ZFP62: variants seen among roughly 807,000 people sequenced by gnomAD.
ZFP62 encodes the protein zinc finger protein 62 homolog.
Under a neutral mutation model 56.4 loss-of-function variants are expected in ZFP62, and 44 were observed. The observed-to-expected ratio is 0.78, with a 90% CI of 0.61 to 1.00. The LOEUF (loss-of-function observed/expected upper bound fraction) is 1.00. Ranked by LOEUF, ZFP62 falls within the 50% of genes least tolerant of loss-of-function variation. The pLI, the probability that ZFP62 is intolerant of heterozygous loss-of-function variation, is 0.00. For synonymous variants in ZFP62, 421 were observed against 388.9 expected (o/e 1.08, Z -0.97); for missense variants, 1,030 against 1,085.7 (o/e 0.95, Z 0.72).
At position 180,850,320 on chromosome 5, in the gene ZFP62, G is replaced by A. The variant is rs1773626115; in HGVS notation, c.1175C>T (p.Pro392Leu). Residue 392 changes from proline (P) to leucine (L), a missense_variant, in exon 2 of 2, where the codon CCT becomes CTT. Physicochemically the swap from Pro to Leu is moderately conservative, Grantham distance 98 (BLOSUM62 -3). Transcript: ENST00000502412. ...VHKRIHTGEKPYKCDVCGKAF... is the reference protein window; with the variant it reads ...VHKRIHTGEKLYKCDVCGKAF... ...TTTGCCACAGACATCACACTTGTAA[G>A]GTTTCTCTCCTGTGTGGATCCTTTT... 6.4e-7 allele frequency: 1 copy of A among 1,569,572 alleles called. No homozygotes were observed. The highest frequency in any genetic ancestry group is 8.6e-7 in the Non-Finnish European group (1 of 1,157,378).
chr5:180,861,134 G>A lies in ZFP62; in HGVS notation c.1+85C>T, dbSNP rs1248165981. The stretch of plus-strand genomic sequence containing the variant: ...TCCCACATCCCGCCCGAGACCCGCG[G>A]AGCAGCCAAGACCCGGCCAAAAAGG... On this transcript the variant is annotated intron_variant, in intron 1 of 1. Transcript: ENST00000502412. The A allele has an allele frequency of 1.0e-5, 4 of 398,984 alleles. No individual in the cohort carries two copies. The East Asian group carries it at 1.4e-4, about 14-fold the overall frequency. 24.7% of individuals were successfully genotyped at this position (398,984 alleles called of 1,614,324 possible). A position where few individuals can be genotyped will look rare whatever the true frequency, so the allele number is the denominator to read the frequency against.
intron 1 of ZFP62, among the ~76,000 whole-genome samples, chr5:180,853,274 A>T (rs1012317460): frequency 6.6e-5 from 10 of 152,242 alleles, no homozygotes; most frequent in Non-Finnish European, 1.3e-4. Flanking sequence ...GATATGGAGC[A>T]ATCTGTATAT....
chr5:180,861,109 T>A (rs943389108), intron 1 of ZFP62, 110 bp downstream of exon 1: 1 of 397,750 alleles, frequency 2.5e-6, no homozygotes, highest in African/African-American at 2.1e-5. Context: ...GCACGCTTAC[T>A]CCCACATCCC....
In ZFP62 at chr5:180,849,939, G is replaced by A; in HGVS notation, c.1556C>T (p.Ala519Val). The A allele has an allele frequency of 1.3e-6, 2 of 1,551,370 alleles. No individual in the cohort carries two copies. Among genetic ancestry groups the A allele is most frequent in the Non-Finnish European group, 1.7e-6 (2 of 1,146,932 alleles). ...YCEKSFNYSS[A>V]LEQHKRIHTR... The stretch of plus-strand genomic sequence containing the variant: ...ATGAATCCTTTTATGCTGTTCAAGG[G>A]CAGAGCTGTAGTTGAAGGATTTCTC... The change falls in exon 2 of 2, where the codon GCC (alanine) becomes GTC (valine). Residue 519 changes from alanine to valine, a missense_variant. Transcript: ENST00000502412.
At chr5:180,834,219 T>G in the ZFP62 span, 16,445 of 152,162 alleles carry the variant, frequency 0.11, 2,220 homozygotes, top group African/African-American at 0.32. Context: ...AGAACAGATG[T>G]TTGTTCTCTC....
In ZFP62 at chr5:180,849,245, G is replaced by A. The variant is rs984974990; in HGVS notation, c.2250C>T (p.Ile750=). ...ACACATAGGGTTTCTCCCCTGTGTG[G>A]ATCCTCTTGTGCTGAGAAAGGAGAG... ...YSSLLSQHKR[I]HTGEKPYVCD... Residue 750 remains isoleucine (I), a synonymous_variant, in exon 2 of 2, where the codon ATC becomes ATT. Transcript: ENST00000502412. The A allele has an allele frequency of 1.3e-6, 2 of 1,557,260 alleles. No homozygotes were observed. The highest frequency in any genetic ancestry group is 1.7e-6 in the Non-Finnish European group (2 of 1,150,324).
At chr5:180,844,165 CCTT>C (rs1370913648), downstream of ZFP62, among the ~76,000 whole-genome samples, 1 of 152,170 alleles carries the variant, frequency 6.6e-6, no homozygotes, top group African/African-American at 2.4e-5. Flanking sequence ...ATTCTTATCT[CCTT>C]CAACTTTTAA....
At chr5:180,845,956 T>C (rs1446093693), downstream of ZFP62, 1 of 680,292 alleles carries the variant, frequency 1.5e-6, no homozygotes, top group African/African-American at 2.0e-5. Context: ...TGGAAGGCTA[T>C]TCCATACTCA....
At chr5:180,851,686 G>A (rs188899837) in intron 1 of ZFP62, among the ~76,000 whole-genome samples, 193 bp from the exon 2 acceptor site, 18 of 152,324 alleles carry the variant, frequency 1.2e-4, no homozygotes, top group African/African-American at 4.1e-4. Context: ...TTCTGCCCCT[G>A]TGGAACTAAT....
chr5:180,829,599 C>A, the ZFP62 span, among the ~76,000 whole-genome samples: 19 of 152,176 alleles, frequency 1.2e-4, no homozygotes, highest in Admixed American at 1.2e-3. Flanking sequence ...CGATATCTGG[C>A]CCCTATCGGG....
In ZFP62 at chr5:180,848,048, C is replaced by T. The variant is rs1157670603; in HGVS notation, c.*744G>A. 1 of 985,272 alleles carries T rather than the reference C, an allele frequency of 1.0e-6. No homozygotes were observed. Among genetic ancestry groups the T allele is most frequent in the African/African-American group, 1.7e-5 (1 of 57,224 alleles). The allele number at this position is 985,272 out of a possible 1,614,324, so 61.0% of individuals were successfully genotyped here. A position where few individuals can be genotyped will look rare whatever the true frequency, so the allele number is the denominator to read the frequency against. On this transcript the variant is annotated 3_prime_UTR_variant, in exon 2 of 2. Transcript: ENST00000502412. ...ACCACTTCCAGGTTATCCCTCATCA[C>T]AAATTCATCATTCATTATGGGAGTT...
At chr5:180,845,731 C>A (rs2113663078), downstream of ZFP62, 1 of 985,444 alleles carries the variant, frequency 1.0e-6, no homozygotes, top group Admixed American at 6.1e-5. Context: ...AGACAGACTT[C>A]AGGTCCCCAA....
chr5:180,853,346 G>A (rs1773811435), intron 1 of ZFP62, among the ~76,000 whole-genome samples: 1 of 152,038 alleles, frequency 6.6e-6, no homozygotes, highest in African/African-American at 2.4e-5. Context: ...GTGTAGGAAA[G>A]AAAACAGGAA....
chr5:180,861,216 T>A lies in ZFP62; in HGVS notation c.1+3A>T, dbSNP rs932179665. On this transcript the variant is annotated splice_donor_region_variant and intron_variant, in intron 1 of 1. Transcript: ENST00000502412. ...GAGCGCGGGCGGCCGCGGACTCACG[T>A]ACTGGCTGTGGCGGCGCCGCGGGAA... The A allele has an allele frequency of 2.5e-6, 1 of 398,082 alleles. No homozygotes were observed. The highest frequency in any genetic ancestry group is 4.4e-5 in the Admixed American group (1 of 22,690). The allele number at this position is 398,082 out of a possible 1,614,324, so 24.7% of individuals were successfully genotyped here.
At chr5:180,829,570 T>C in the ZFP62 span, among the ~76,000 whole-genome samples, 13 of 152,224 alleles carry the variant, frequency 8.5e-5, no homozygotes, top group African/African-American at 3.1e-4. Context: ...TATGTTGAAA[T>C]ATTGGGGGTG....
At chr5:180,830,577 C>T in the ZFP62 span, 1 of 152,336 alleles carries the variant, frequency 6.6e-6, no homozygotes, top group South Asian at 2.1e-4. Flanking sequence ...TTCTCATTTA[C>T]TCGGGTGGCT....
Position 180,851,023 on chromosome 5 carries a change from G to C in ZFP62, c.472C>G (p.Gln158Glu). ...TCCCCAGTGTGCATAATTTTATGTT[G>C]AACAAGGCGGGAATTATATTTGAAG... is the stretch of plus-strand genomic sequence containing the variant. The part of the protein sequence containing the change: ...KSFKYNSRLV[Q>E]HKIMHTGEKR... Residue 158 changes from glutamine (Q) to glutamate (E), a missense_variant, in exon 2 of 2, where the codon CAA becomes GAA. Gln to Glu is a conservative substitution (Grantham distance 29, BLOSUM62 2). Coordinates refer to ENST00000502412, the MANE Select transcript of ZFP62 (RefSeq NM_001172638.2). 6.4e-7 allele frequency: 1 copy of C among 1,551,674 alleles called. No individual in the cohort carries two copies. The highest frequency in any genetic ancestry group is 8.7e-7 in the Non-Finnish European group (1 of 1,147,006).
chr5:180,847,307 T>C (rs2113666639), downstream of ZFP62, among the ~76,000 whole-genome samples: 1 of 152,388 alleles, frequency 6.6e-6, no homozygotes, highest in South Asian at 2.1e-4. Context: ...CAGTAGTTTA[T>C]GTTCAATTCT....
chr5:180,860,364 C>T (rs1014291645), intron 1 of ZFP62, among the ~76,000 whole-genome samples: 1 of 151,826 alleles, frequency 6.6e-6, no homozygotes, highest in Non-Finnish European at 1.5e-5. Context: ...TTTTTTTAAG[C>T]CTTGAGCTTT....
Sources: gnomAD v4.1 joint callset for allele counts (sites outside exome capture counted in the v4.1 genomes callset) on GRCh38, gnomAD v4.1.1 for gene constraint, MANE v1.5 for transcripts, NCBI Gene and HGNC (gene_info 2026-07-23, HGNC 2026-07-21) for gene names.